COL9A1: variants seen among roughly 807,000 people sequenced by gnomAD.
COL9A1 encodes the protein collagen type IX alpha 1 chain, also known as collagen alpha-1(IX) chain.
In COL9A1, 104 loss-of-function variants were observed where a neutral mutation model predicts 142.6. The ratio of observed to expected loss-of-function variants is 0.73; its 90% CI spans 0.62 to 0.86. The LOEUF is 0.86. Ranked by LOEUF, COL9A1 falls within the 40% of genes least tolerant of loss-of-function variation. The pLI, the probability that COL9A1 is intolerant of heterozygous loss-of-function variation, is 0.00. For synonymous variants in COL9A1, 466 were observed against 396.0 expected (o/e 1.18, Z -2.10); for missense variants, 1,210 against 1,176.6 (o/e 1.03, Z -0.42).
Position 70,271,915 on chromosome 6 carries a change from G to A in COL9A1, c.1089+150C>T, listed in dbSNP as rs187155401. The A allele has an allele frequency of 6.4e-5, 59 of 919,602 alleles. No individual in the cohort carries two copies. The Middle Eastern group carries it at 8.7e-4, about 14-fold the overall frequency. The allele number at this position is 919,602 out of a possible 1,614,324, so 57.0% of individuals were successfully genotyped here. On this transcript the variant is annotated intron_variant, in intron 13 of 37. Transcript: ENST00000357250. Reference sequence around the variant, plus strand: ...ATAAATATTTTGTTTAGCAGAATAAGGGTGTTATCCTTAGTAGCCACCTAA... The same window carrying A: ...ATAAATATTTTGTTTAGCAGAATAAAGGTGTTATCCTTAGTAGCCACCTAA...
At chr6:70,250,691 A>G (rs1770884368) in intron 28 of COL9A1, among the ~76,000 whole-genome samples, 1 of 152,206 alleles carries the variant, frequency 6.6e-6, no homozygotes, top group African/African-American at 2.4e-5. Flanking sequence ...AGTAATAATG[A>G]TATTTGGAAA....
intron 36 of COL9A1, among the ~76,000 whole-genome samples, chr6:70,232,062 C>A (rs1305978438): frequency 7.0e-6 from 1 of 141,902 alleles, no homozygotes; most frequent in Admixed American, 6.9e-5. Context: ...TACTTCAGAG[C>A]TGAAAAAAAA....
intron 28 of COL9A1, among the ~76,000 whole-genome samples, chr6:70,244,757 T>G (rs1770485539): frequency 6.6e-6 from 1 of 152,224 alleles, no homozygotes; most frequent in African/African-American, 2.4e-5. Flanking sequence ...GGGGGAGGAT[T>G]AATTATCTTC....
At chr6:70,259,459 G>C (rs1045355514) in intron 20 of COL9A1, among the ~76,000 whole-genome samples, 2 of 151,834 alleles carry the variant, frequency 1.3e-5, no homozygotes, top group Admixed American at 1.3e-4. Context: ...TGATAGAGAG[G>C]CTAAACACAC....
chr6:70,237,281 A>G (rs1162838492), intron 33 of COL9A1, among the ~76,000 whole-genome samples: 1 of 152,220 alleles, frequency 6.6e-6, no homozygotes, highest in Non-Finnish European at 1.5e-5. Flanking sequence ...TAATGAAGAG[A>G]TTAAGGGCCA....
chr6:70,296,480 C>A (rs1415350847), intron 4 of COL9A1, among the ~76,000 whole-genome samples: 1 of 152,086 alleles, frequency 6.6e-6, no homozygotes, highest in African/African-American at 2.4e-5. Context: ...ATGAAACTGT[C>A]TACTACATGA....
rs61373051 is a variant in COL9A1, at chr6:70,267,327, G to GT, written c.1288-558dup. On this transcript the variant is annotated intron_variant, in intron 17 of 37. Coordinates refer to ENST00000357250, the MANE Select transcript of COL9A1 (RefSeq NM_001851.6). ...TTGTTGTTGTTTGTTTGGTTTTTTT[G>GT]TTTTTTTTTTTTGAGATGGAGCTTC... Among the ~76,000 whole-genome samples the GT allele has an allele frequency of 3.9e-3, 493 of 126,996 alleles. 14 individuals carry two copies. Among genetic ancestry groups the GT allele is most frequent in the East Asian group, 0.03 (140 of 4,694 alleles). The allele number at this position is 126,996 out of a possible 152,430, so 83.3% of individuals were successfully genotyped here. A position where few individuals can be genotyped will look rare whatever the true frequency, so the allele number is the denominator to read the frequency against.
At chr6:70,289,272 A>C (rs1350817715) in intron 5 of COL9A1, among the ~76,000 whole-genome samples, 6 of 152,208 alleles carry the variant, frequency 3.9e-5, no homozygotes, top group Non-Finnish European at 8.8e-5. Context: ...ATTTTTATAG[A>C]AATAAAAATC....
intron 20 of COL9A1, among the ~76,000 whole-genome samples, chr6:70,257,441 G>A (rs1771391257): frequency 2.0e-5 from 3 of 152,018 alleles, no homozygotes; most frequent in Non-Finnish European, 4.4e-5. Context: ...TTAATAGATT[G>A]GTAAATCTAT....
intron 37 of COL9A1, among the ~76,000 whole-genome samples, chr6:70,218,734 A>C (rs2127545851): frequency 9.2e-6 from 1 of 108,344 alleles, no homozygotes; most frequent in Non-Finnish European, 2.0e-5. Flanking sequence ...ATATGGTCTT[A>C]TTCATATATA....
chr6:70,237,342 G>A (rs1014829642), intron 33 of COL9A1, among the ~76,000 whole-genome samples: 3 of 152,186 alleles, frequency 2.0e-5, no homozygotes, highest in African/African-American at 7.2e-5. Context: ...ACTGAGGAGT[G>A]GTATACTGAA....
At chr6:70,273,486 C>T (rs1772536708) in intron 12 of COL9A1, among the ~76,000 whole-genome samples, 1 of 151,934 alleles carries the variant, frequency 6.6e-6, no homozygotes, top group South Asian at 2.1e-4. Flanking sequence ...AGATTAATGA[C>T]AAGAGTAAAA....
chr6:70,234,455 T>C (rs570512477), intron 35 of COL9A1, 84 bp downstream of exon 35: 2 of 1,411,644 alleles, frequency 1.4e-6, no homozygotes, highest in African/African-American at 1.4e-5. Flanking sequence ...GTCACTCTTG[T>C]TTACCCTTGT....
At chr6:70,268,755 A>G in intron 17 of COL9A1, 49 bp downstream of exon 17, 2 of 1,556,742 alleles carry the variant, frequency 1.3e-6, no homozygotes, top group South Asian at 1.1e-5. Context: ...TAAAGGCTCC[A>G]TTTTATCTGT....
chr6:70,231,506 G>A (rs1769540202), intron 36 of COL9A1, among the ~76,000 whole-genome samples: 1 of 152,000 alleles, frequency 6.6e-6, no homozygotes, highest in Non-Finnish European at 1.5e-5. Context: ...ATTCATGCCA[G>A]CCTTATAAGA....
At position 70,294,447 on chromosome 6, in the gene COL9A1, T is replaced by C. The variant is rs1195229832; in HGVS notation, c.416A>G (p.Lys139Arg). Residue 139 changes from lysine to arginine, a missense_variant, in exon 5 of 38, where the codon AAG becomes AGG. Lys to Arg is a conservative substitution (Grantham distance 26). Transcript: ENST00000357250. ...ATTAATCTTTATGCCAACTTGCTCC[T>C]TCCCAGAGGAATCCTGAATCTGCCA... is the stretch of plus-strand genomic sequence containing the variant. ...NIWQIQDSSG[K>R]EQVGIKINGQ... 1.2e-6 allele frequency: 2 copies of C among 1,614,026 alleles called. No homozygotes were observed. Among genetic ancestry groups the C allele is most frequent in the Admixed American group, 1.7e-5 (1 of 59,994 alleles).
At chr6:70,249,802 T>C (rs1770821279) in intron 28 of COL9A1, among the ~76,000 whole-genome samples, 1 of 152,194 alleles carries the variant, frequency 6.6e-6, no homozygotes, top group African/African-American at 2.4e-5. Flanking sequence ...CCTGAGGTGC[T>C]GCCTCTGGTT....
chr6:70,246,856 A>G (rs761383103), intron 28 of COL9A1, among the ~76,000 whole-genome samples: 3 of 152,186 alleles, frequency 2.0e-5, no homozygotes, highest in African/African-American at 4.8e-5. Flanking sequence ...TGATTTTGCC[A>G]TGCATCTGGT....
chr6:70,278,895 A>G (rs1772934214), intron 10 of COL9A1, among the ~76,000 whole-genome samples: 1 of 152,236 alleles, frequency 6.6e-6, no homozygotes, highest in Non-Finnish European at 1.5e-5. Flanking sequence ...ACCATGGTAT[A>G]AGGTAAAGAG....
Sources: allele counts gnomAD v4.1 joint callset (sites outside exome capture counted in the v4.1 genomes callset), GRCh38; gene constraint gnomAD v4.1.1; transcripts MANE v1.5; gene names NCBI Gene and HGNC (gene_info 2026-07-23, HGNC 2026-07-21).